The following DSCAM variants were observed in gnomAD, a reference collection of about 807,000 sequenced individuals.
The protein encoded by DSCAM is cell adhesion molecule DSCAM.
A neutral mutation model predicts 217.7 loss-of-function variants in DSCAM; 47 were observed. The observed-to-expected ratio is 0.22, with a 90% CI of 0.17 to 0.28. The LOEUF (loss-of-function observed/expected upper bound fraction) is 0.28, where lower values mean the gene tolerates loss of function less well. Ranked by LOEUF, DSCAM falls within the 10% of genes least tolerant of loss-of-function variation. The pLI is 1.00. For synonymous variants in DSCAM, 1,056 were observed against 1,015.3 expected (o/e 1.04, Z -0.76); for missense variants, 2,080 against 2,618.3 (o/e 0.79, Z 4.49).
rs117166047 is a variant in DSCAM, at chr21:40,769,354, C to T, written c.44-60583G>A. ...GCTCTGGTCAGAGACCCACAGATGA[C>T]CCCAACCTCAAAGCTGGCCAGCTGT... On this transcript the variant is annotated intron_variant, in intron 1 of 32. Transcript: ENST00000400454. 7.2e-5 allele frequency among the ~76,000 whole-genome samples: 11 copies of T among 152,308 alleles called. No individual in the cohort carries two copies. The East Asian group carries it at 2.1e-3, about 29-fold the overall frequency.
intron 20 of DSCAM, among the ~76,000 whole-genome samples, chr21:40,117,606 G>T (rs558269986): frequency 1.3e-5 from 2 of 152,182 alleles, no homozygotes; most frequent in East Asian, 1.9e-4. Context: ...GTCATAGGAG[G>T]AATTTAATGG....
intron 10 of DSCAM, among the ~76,000 whole-genome samples, chr21:40,293,753 A>T (rs1207198040): frequency 1.3e-5 from 2 of 152,096 alleles, no homozygotes; most frequent in Non-Finnish European, 2.9e-5. Context: ...TGAACCCAGG[A>T]GGCGGAGGTT....
intron 3 of DSCAM, among the ~76,000 whole-genome samples, chr21:40,440,992 G>A (rs1569124711): frequency 6.6e-6 from 1 of 152,184 alleles, no homozygotes; most frequent in Non-Finnish European, 1.5e-5. Flanking sequence ...ACTGGATGCA[G>A]GCTATGGGAC....
At chr21:40,052,913 C>T (rs2088955619) in intron 29 of DSCAM, among the ~76,000 whole-genome samples, 1 of 152,172 alleles carries the variant, frequency 6.6e-6, no homozygotes, top group African/African-American at 2.4e-5. Flanking sequence ...ATTCTCATTA[C>T]TACCTTGTGA....
At chr21:40,032,082 T>C (rs933200957) in intron 32 of DSCAM, among the ~76,000 whole-genome samples, 19 of 152,188 alleles carry the variant, frequency 1.2e-4, no homozygotes, top group African/African-American at 4.3e-4. Context: ...TGTGGGATGA[T>C]TCAAGATGCA....
chr21:40,409,370 C>A (rs2075303878), intron 3 of DSCAM, among the ~76,000 whole-genome samples: 1 of 152,102 alleles, frequency 6.6e-6, no homozygotes, highest in African/African-American at 2.4e-5. Flanking sequence ...TGCAGGGAAG[C>A]CTGAAATAAG....
chr21:40,427,184 C>T (rs1013334501), intron 3 of DSCAM, among the ~76,000 whole-genome samples: 3 of 152,210 alleles, frequency 2.0e-5, no homozygotes, highest in African/African-American at 7.2e-5. Flanking sequence ...ATGGACCTGT[C>T]TGTCCCAGCT....
At chr21:40,795,120 C>T (rs527918167) in intron 1 of DSCAM, among the ~76,000 whole-genome samples, 24 of 152,066 alleles carry the variant, frequency 1.6e-4, no homozygotes, top group African/African-American at 3.4e-4. Flanking sequence ...CTATTCACAA[C>T]GCAAACTCTC....
At chr21:40,036,345 T>C (rs958900364) in intron 32 of DSCAM, among the ~76,000 whole-genome samples, 1 of 149,330 alleles carries the variant, frequency 6.7e-6, no homozygotes, top group Non-Finnish European at 1.5e-5. Flanking sequence ...TCACCACCAA[T>C]CCCACAGAAA....
intron 3 of DSCAM, among the ~76,000 whole-genome samples, chr21:40,611,276 C>T (rs2089311773): frequency 6.6e-6 from 1 of 151,930 alleles, no homozygotes; most frequent in Non-Finnish European, 1.5e-5. Flanking sequence ...CCAGGATGGG[C>T]TCAATCTCTT....
chr21:40,486,021 AC>A, intron 3 of DSCAM, among the ~76,000 whole-genome samples: 1 of 152,324 alleles, frequency 6.6e-6, no homozygotes, highest in Middle Eastern at 3.4e-3. Context: ...AAAACTACGT[AC>A]TATAAACTGA....
chr21:40,281,547 C>A (rs2073759701), intron 10 of DSCAM, among the ~76,000 whole-genome samples: 5 of 152,132 alleles, frequency 3.3e-5, no homozygotes, highest in Admixed American at 2.6e-4. Context: ...ATATTCAAAT[C>A]TTAAAATATA....
chr21:40,329,197 AGAG>A (rs1226008578), intron 8 of DSCAM, among the ~76,000 whole-genome samples: 2 of 152,180 alleles, frequency 1.3e-5, no homozygotes, highest in Non-Finnish European at 2.9e-5. Context: ...AGTGTGTTGA[AGAG>A]ATATCTACAC....
At chr21:40,499,072 C>T (rs976095059) in intron 3 of DSCAM, among the ~76,000 whole-genome samples, 1 of 151,660 alleles carries the variant, frequency 6.6e-6, no homozygotes, top group Non-Finnish European at 1.5e-5. Flanking sequence ...AAAAAATTAA[C>T]TGGAATGAAG....
intron 3 of DSCAM, among the ~76,000 whole-genome samples, chr21:40,466,015 T>A (rs999023805): frequency 6.6e-6 from 1 of 152,200 alleles, no homozygotes; most frequent in Non-Finnish European, 1.5e-5. Context: ...TCAAAAAGAC[T>A]GTGAAACATG....
At chr21:40,577,475 G>A (rs1458660535) in intron 3 of DSCAM, among the ~76,000 whole-genome samples, 7 of 152,096 alleles carry the variant, frequency 4.6e-5, no homozygotes, top group Admixed American at 6.5e-5. Context: ...CGAGCCGGCT[G>A]TCCTTCCGGG....
intron 15 of DSCAM, among the ~76,000 whole-genome samples, chr21:40,175,819 A>ACACACACG (rs2090723004): frequency 6.7e-6 from 1 of 149,444 alleles, no homozygotes; most frequent in Non-Finnish European, 1.5e-5. Context: ...GCACACACAC[A>ACACACACG]CACACGCACA....
intron 2 of DSCAM, among the ~76,000 whole-genome samples, chr21:40,696,729 G>T (rs796848344): frequency 1.6e-4 from 25 of 152,044 alleles, no homozygotes; most frequent in African/African-American, 5.8e-4. Context: ...AAAATCTCTG[G>T]TAATATGACT....
chr21:40,498,598 G>GTATA (rs1228408298), intron 3 of DSCAM, among the ~76,000 whole-genome samples: 21 of 138,814 alleles, frequency 1.5e-4, no homozygotes, highest in African/African-American at 5.2e-4. Context: ...TACAGTATGT[G>GTATA]TATATATATA....
Sources: allele counts gnomAD v4.1 joint callset (sites outside exome capture counted in the v4.1 genomes callset), GRCh38; gene constraint gnomAD v4.1.1; transcripts MANE v1.5; gene names NCBI Gene and HGNC (gene_info 2026-07-23, HGNC 2026-07-21).